EEA1: variants seen among roughly 807,000 people sequenced by gnomAD.
EEA1 encodes early endosome antigen 1, also known as early endosome antigen 1, 162kD.
In EEA1, 111 loss-of-function variants were observed where a neutral mutation model predicts 209.2. The observed-to-expected ratio is 0.53, with a 90% CI of 0.45 to 0.62. The LOEUF (loss-of-function observed/expected upper bound fraction) is 0.62, where lower values mean the gene tolerates loss of function less well. Ranked by LOEUF, EEA1 falls within the 20% of genes least tolerant of loss-of-function variation. EEA1 has a pLI of 0.00. For synonymous variants in EEA1, 536 were observed against 540.6 expected (o/e 0.99, Z 0.12); for missense variants, 1,343 against 1,530.8 (o/e 0.88, Z 2.05).
At chr12:92,839,355 G>A (rs74768647) in intron 10 of EEA1, among the ~76,000 whole-genome samples, 5,853 of 152,208 alleles carry the variant, frequency 0.038, 165 homozygotes, top group Middle Eastern at 0.1. Flanking sequence ...ATTCCACATT[G>A]TCACTAACTT....
intron 2 of EEA1, among the ~76,000 whole-genome samples, chr12:92,878,401 C>G (rs888872327): frequency 1.3e-5 from 2 of 152,146 alleles, no homozygotes; most frequent in Non-Finnish European, 2.9e-5. Context: ...ATCAAGTTTA[C>G]TCTGAAATCC....
At chr12:92,836,751 C>T (rs768195853) in intron 10 of EEA1, among the ~76,000 whole-genome samples, 2 of 152,126 alleles carry the variant, frequency 1.3e-5, no homozygotes, top group Non-Finnish European at 2.9e-5. Flanking sequence ...CTTTTACTGC[C>T]TAATTTACTA....
intron 17 of EEA1, among the ~76,000 whole-genome samples, chr12:92,809,585 C>T (rs748242635): frequency 6.7e-6 from 1 of 149,364 alleles, no homozygotes; most frequent in Non-Finnish European, 1.5e-5. Context: ...GTCCCAGCTA[C>T]TCAAGACGCC....
At chr12:92,829,790 A>AC (rs1478503626) in intron 11 of EEA1, among the ~76,000 whole-genome samples, 1 of 142,136 alleles carries the variant, frequency 7.0e-6, no homozygotes, top group East Asian at 2.1e-4. Flanking sequence ...AAAAAAAAAA[A>AC]AAAAAACAAA....
chr12:92,789,899 G>A (rs943092986), intron 21 of EEA1, among the ~76,000 whole-genome samples: 1 of 152,192 alleles, frequency 6.6e-6, no homozygotes, highest in Non-Finnish European at 1.5e-5. Flanking sequence ...ATAGGCAGCT[G>A]CCCCTCTGGG....
At position 92,774,024 on chromosome 12, in the gene EEA1, C is replaced by A. The variant is rs1447562623; in HGVS notation, c.*1987G>T. On this transcript the variant is annotated 3_prime_UTR_variant, in exon 29 of 29. Transcript: ENST00000322349. ...AGACAAAGTAAACAAATATTCAAACCCAGATTTCTCATGGAATTTATTATC... is the reference window on the plus strand; with the variant it reads ...AGACAAAGTAAACAAATATTCAAACACAGATTTCTCATGGAATTTATTATC... The A allele has an allele frequency of 4.4e-5, 6 of 136,362 alleles. No individual in the cohort carries two copies. The highest frequency in any genetic ancestry group is 1.4e-4 in the African/African-American group (5 of 36,934). The allele number at this position is 136,362 out of a possible 1,614,324, so 8.4% of individuals were successfully genotyped here.
At chr12:92,853,068 C>T (rs1482020337) in intron 6 of EEA1, 43 bp from the exon 7 acceptor site, 3 of 1,240,398 alleles carry the variant, frequency 2.4e-6, no homozygotes, top group Non-Finnish European at 3.5e-6. Context: ...ATGTTAATTA[C>T]ATATGCTAAA....
chr12:92,861,581 T>G (rs1469790803), intron 3 of EEA1, among the ~76,000 whole-genome samples: 1 of 152,250 alleles, frequency 6.6e-6, no homozygotes, highest in East Asian at 1.9e-4. Flanking sequence ...GTCATAAGTA[T>G]GCAAAACATG....
intron 15 of EEA1, 107 bp from the exon 16 acceptor site, chr12:92,813,200 C>A: frequency 1.6e-6 from 1 of 625,984 alleles, no homozygotes; most frequent in South Asian, 3.4e-5. Context: ...AAATTAAGTC[C>A]TTGGCAAAAA....
At chr12:92,850,257 G>C (rs1293720056) in intron 9 of EEA1, among the ~76,000 whole-genome samples, 1 of 152,160 alleles carries the variant, frequency 6.6e-6, no homozygotes, top group Non-Finnish European at 1.5e-5. Context: ...AATAGACTTA[G>C]GAAGAAATAT....
intron 9 of EEA1, among the ~76,000 whole-genome samples, chr12:92,843,905 T>C (rs1877284555): frequency 6.6e-6 from 1 of 152,140 alleles, no homozygotes; most frequent in South Asian, 2.1e-4. Context: ...AATGCTATTA[T>C]TTAAGAGATC....
intron 21 of EEA1, among the ~76,000 whole-genome samples, chr12:92,790,936 C>G (rs1874374843): frequency 1.3e-5 from 2 of 152,150 alleles, no homozygotes; most frequent in African/African-American, 4.8e-5. Flanking sequence ...CGACAGAAAC[C>G]CTACAAGCCA....
intron 7 of EEA1, 68 bp from the exon 8 acceptor site, chr12:92,852,364 C>G: frequency 9.2e-7 from 1 of 1,091,900 alleles, no homozygotes; most frequent in East Asian, 2.8e-5. Context: ...CCATATATTA[C>G]TCTGCATATC....
At position 92,876,950 on chromosome 12, in the gene EEA1, T is replaced by G. The variant is rs140639647; in HGVS notation, c.118-11963A>C. Among the ~76,000 whole-genome samples the G allele has an allele frequency of 8.2e-3, 1,231 of 150,710 alleles. 24 individuals carry two copies. The highest frequency in any genetic ancestry group is 0.027 in the African/African-American group (1,115 of 41,316). ...GCCATTAACCTGGGTGTTGTTTTTT[T>G]TTTTTGTTTTTGAGACAGAGTCTTG... is the stretch of plus-strand genomic sequence containing the variant. On this transcript the variant is annotated intron_variant, in intron 2 of 28. Coordinates refer to ENST00000322349, the MANE Select transcript of EEA1 (RefSeq NM_003566.4).
At position 92,782,085 on chromosome 12, in the gene EEA1, T is replaced by C. The variant is rs1565805820; in HGVS notation, c.3201A>G (p.Arg1067=). 1 of 1,612,876 alleles carries C rather than the reference T, an allele frequency of 6.2e-7. No homozygotes were observed. The highest frequency in any genetic ancestry group is 8.5e-7 in the Non-Finnish European group (1 of 1,179,268). ...SLAQEDLISN[R]NQIGNQNKLI... ...ATTTATTTTGATTTCCAATTTGATT[T>C]CTGTTTGAAATCAAGTCCTCCTGTG... is the stretch of plus-strand genomic sequence containing the variant. Residue 1067 remains arginine (R), a synonymous_variant, in exon 23 of 29, where the codon AGA becomes AGG. Coordinates refer to ENST00000322349, the MANE Select transcript of EEA1 (RefSeq NM_003566.4).
chr12:92,777,705 C>T (rs1157035042), intron 26 of EEA1, 42 bp from the exon 27 acceptor site: 5 of 1,580,920 alleles, frequency 3.2e-6, no homozygotes, highest in Non-Finnish European at 4.3e-6. Flanking sequence ...TTTAGAAAAT[C>T]ATTTAAAGAC....
At position 92,824,796 on chromosome 12, in the gene EEA1, A is replaced by G. The variant is rs1042527622; in HGVS notation, c.1524+1370T>C. On this transcript the variant is annotated intron_variant, in intron 13 of 28. Coordinates refer to ENST00000322349, the MANE Select transcript of EEA1 (RefSeq NM_003566.4). The stretch of plus-strand genomic sequence containing the variant: ...CTATATGTTTTGCCTATTTACCTTG[A>G]TTATCCTTGCCTCTCTCACTAAGCT... 8.5e-5 allele frequency among the ~76,000 whole-genome samples: 13 copies of G among 152,114 alleles called. 1 individual carries two copies. The highest frequency in any genetic ancestry group is 8.5e-4 in the Admixed American group (13 of 15,272).
chr12:92,801,712 AT>A lies in EEA1; in HGVS notation c.2671-12del, dbSNP rs771963814. On this transcript the variant is annotated splice_polypyrimidine_tract_variant and intron_variant, in intron 19 of 28. Transcript: ENST00000322349. ...TTTGCAAGTTTTTTCCTTAAAAAAAATGAAAACTATATTACATAAAAAATAT... is the reference window on the plus strand; with the variant it reads ...TTTGCAAGTTTTTTCCTTAAAAAAAAGAAAACTATATTACATAAAAAATAT... 9.8e-6 allele frequency: 15 copies of A among 1,529,444 alleles called. No individual in the cohort carries two copies. The Admixed American group carries it at 2.4e-4, about 25-fold the overall frequency. The allele number at this position is 1,529,444 out of a possible 1,614,324, so 94.7% of individuals were successfully genotyped here.
chr12:92,801,756 A>C, intron 19 of EEA1, 55 bp from the exon 20 acceptor site: 1 of 1,259,418 alleles, frequency 7.9e-7, no homozygotes, highest in Non-Finnish European at 1.1e-6. Flanking sequence ...AACCTTAAGA[A>C]GTTTAGTTTA....
Sources: gnomAD v4.1 joint callset for allele counts (sites outside exome capture counted in the v4.1 genomes callset) on GRCh38, gnomAD v4.1.1 for gene constraint, MANE v1.5 for transcripts, NCBI Gene and HGNC (gene_info 2026-07-23, HGNC 2026-07-21) for gene names.